The following MYO1E variants were observed in gnomAD, a reference collection of about 807,000 sequenced individuals.
The protein encoded by MYO1E is unconventional myosin-Ie.
Under a neutral mutation model 151.1 loss-of-function variants are expected in MYO1E, and 68 were observed. The observed-to-expected ratio is 0.45, with a 90% confidence interval of 0.37 to 0.55. The LOEUF (loss-of-function observed/expected upper bound fraction) is 0.55. Ranked by LOEUF, MYO1E falls within the 20% of genes least tolerant of loss-of-function variation. MYO1E has a pLI of 0.00. For missense variants in MYO1E, 1,363 were observed against 1,389.3 expected, an observed-to-expected ratio of 0.98 and a Z score of 0.30; for synonymous variants, 601 against 501.7, an observed-to-expected ratio of 1.20 and a Z score of -2.64.
chr15:59,317,384 T>C (rs2080595816), intron 1 of MYO1E, among the ~76,000 whole-genome samples: 1 of 152,216 alleles, frequency 6.6e-6, no homozygotes, highest in Non-Finnish European at 1.5e-5. Context: ...GAATTTAATC[T>C]GGCATGAGTC....
At chr15:59,152,517 C>T (rs774727029) in intron 26 of MYO1E, among the ~76,000 whole-genome samples, 171 of 152,194 alleles carry the variant, frequency 1.1e-3, no homozygotes, top group Non-Finnish European at 2.0e-3. Flanking sequence ...TTACAAGTCT[C>T]TAGTTCAACC....
At chr15:59,153,343 G>A (rs1216834606) in intron 26 of MYO1E, among the ~76,000 whole-genome samples, 1 of 152,186 alleles carries the variant, frequency 6.6e-6, no homozygotes, top group Non-Finnish European at 1.5e-5. Flanking sequence ...AGGGGAACCC[G>A]TCTTCTGATG....
chr15:59,343,461 G>A (rs1346640171), intron 1 of MYO1E, among the ~76,000 whole-genome samples: 1 of 152,074 alleles, frequency 6.6e-6, no homozygotes, highest in Non-Finnish European at 1.5e-5. Flanking sequence ...ACCTTTGGGA[G>A]TTTTGTTATT....
chr15:59,218,829 G>A (rs1596371281), intron 9 of MYO1E, among the ~76,000 whole-genome samples: 1 of 152,198 alleles, frequency 6.6e-6, no homozygotes, highest in African/African-American at 2.4e-5. Context: ...GCAGAGAGGA[G>A]AAGGGAGTGT....
chr15:59,251,702 T>G (rs577526633), intron 4 of MYO1E, among the ~76,000 whole-genome samples: 1 of 152,378 alleles, frequency 6.6e-6, no homozygotes, highest in South Asian at 2.1e-4. Context: ...AATGCTTCAG[T>G]GCTCATGTTT....
chr15:59,251,838 A>G (rs539962897), intron 4 of MYO1E, among the ~76,000 whole-genome samples: 1 of 152,378 alleles, frequency 6.6e-6, no homozygotes, highest in East Asian at 1.9e-4. Flanking sequence ...TCAGGTTGAC[A>G]TAGAAAAGGA....
chr15:59,281,073 G>A (rs147252716), intron 1 of MYO1E, among the ~76,000 whole-genome samples: 1 of 152,216 alleles, frequency 6.6e-6, no homozygotes, highest in Non-Finnish European at 1.5e-5. Flanking sequence ...ACCACAGCTC[G>A]CAAAGCAAGG....
At chr15:59,155,648 G>A (rs577668597) in intron 25 of MYO1E, among the ~76,000 whole-genome samples, 1 of 152,326 alleles carries the variant, frequency 6.6e-6, no homozygotes, top group East Asian at 1.9e-4. Context: ...ACTGGAACCA[G>A]CGCACACGCA....
At chr15:59,218,507 G>A (rs1162294096) in intron 9 of MYO1E, among the ~76,000 whole-genome samples, 2 of 152,128 alleles carry the variant, frequency 1.3e-5, no homozygotes, top group Non-Finnish European at 2.9e-5. Flanking sequence ...TTAGTACAAT[G>A]TTTTCATAGC....
chr15:59,137,305 G>C lies in MYO1E; in HGVS notation c.*75C>G, dbSNP rs2079378956. 1.5e-6 allele frequency: 2 copies of C among 1,307,174 alleles called. No individual in the cohort carries two copies. The highest frequency in any genetic ancestry group is 2.4e-5 in the South Asian group (2 of 84,568). 81.0% of individuals were successfully genotyped at this position (1,307,174 alleles called of 1,614,324 possible). ...GCAATTGCTCATTGTGGATTGTAAG[G>C]GGAGCCCCTAAATATCCCCTCCCCT... On this transcript the variant is annotated 3_prime_UTR_variant, in exon 28 of 28. Coordinates refer to ENST00000288235, the MANE Select transcript of MYO1E (RefSeq NM_004998.4).
intron 16 of MYO1E, among the ~76,000 whole-genome samples, chr15:59,196,986 C>T (rs1316970823): frequency 1.0e-3 from 73 of 71,502 alleles, no homozygotes; most frequent in African/African-American, 2.0e-3. Flanking sequence ...TTAATTACGA[C>T]TTTTTTTTTT....
chr15:59,369,987 T>C (rs954502017), intron 1 of MYO1E, among the ~76,000 whole-genome samples: 1 of 151,978 alleles, frequency 6.6e-6, no homozygotes. Flanking sequence ...TCTTAATATT[T>C]TTTAACTGAA....
In MYO1E at chr15:59,153,740, G is replaced by A. The variant is rs766195298; in HGVS notation, c.2930C>T (p.Ala977Val). The A allele has an allele frequency of 1.4e-5, 22 of 1,613,998 alleles. No homozygotes were observed. The highest frequency in any genetic ancestry group is 1.9e-5 in the Non-Finnish European group (22 of 1,179,980). ...IRNQYVPYPH[A>V]PGSQRSNQKS... ...CTGATTGGACCTCTGGCTTCCAGGA[G>A]CATGGGGATATGGCACATACTGGTT... The change falls in exon 26 of 28, where the codon GCT (alanine) becomes GTT (valine). Residue 977 changes from alanine to valine, a missense_variant. Physicochemically the swap from Ala to Val is moderately conservative, Grantham distance 64 (BLOSUM62 0). Transcript: ENST00000288235.
At position 59,135,438 on chromosome 15, in the gene MYO1E, C is replaced by G. The variant is rs542537953; in HGVS notation, c.*1942G>C. On this transcript the variant is annotated 3_prime_UTR_variant, in exon 28 of 28. Transcript: ENST00000288235. ...GCTGTGGGGACTCCAGCATGCTCCT[C>G]TGTCCCAGTTCTGGTGGTATCTTCC... The G allele has an allele frequency of 1.3e-5, 2 of 152,370 alleles. No individual in the cohort carries two copies. Among genetic ancestry groups the G allele is most frequent in the African/African-American group, 4.8e-5 (2 of 41,540 alleles). The allele number at this position is 152,370 out of a possible 1,614,324, so 9.4% of individuals were successfully genotyped here.
In MYO1E at chr15:59,223,175, A is replaced by G. The variant is rs1181598444; in HGVS notation, c.794T>C (p.Ile265Thr). ...CGTTTGCTCTTCTGCAAAGATCCCA[A>G]TCACATTCATGGCGTGCTGGAAGAG... ...FQETLHAMNVIGIFAEEQTLV... is the reference protein window; with the variant it reads ...FQETLHAMNVTGIFAEEQTLV... The change falls in exon 9 of 28, where the codon ATT becomes ACT. Residue 265 changes from isoleucine (I) to threonine (T), a missense_variant. By Grantham distance (89) the Ile-to-Thr change is moderately conservative. Transcript: ENST00000288235. The G allele has an allele frequency of 7.4e-6, 12 of 1,614,200 alleles. No homozygotes were observed. The highest frequency in any genetic ancestry group is 2.7e-5 in the African/African-American group (2 of 75,052).
chr15:59,161,862 A>G (rs1190857015), intron 23 of MYO1E, among the ~76,000 whole-genome samples: 2 of 152,146 alleles, frequency 1.3e-5, no homozygotes, highest in Non-Finnish European at 2.9e-5. Flanking sequence ...TTCTGTTTTT[A>G]AGTTATATTT....
At chr15:59,140,837 G>C (rs1389732879) in intron 26 of MYO1E, among the ~76,000 whole-genome samples, 3 of 152,248 alleles carry the variant, frequency 2.0e-5, no homozygotes, top group Middle Eastern at 3.4e-3. Context: ...CCCCACGTGG[G>C]AGGGAGCAAT....
intron 1 of MYO1E, among the ~76,000 whole-genome samples, chr15:59,335,839 T>C (rs750678299): frequency 1.3e-5 from 2 of 152,118 alleles, no homozygotes; most frequent in Non-Finnish European, 2.9e-5. Flanking sequence ...TCTGAAGCCA[T>C]GTGTGGCCCT....
At position 59,143,534 on chromosome 15, in the gene MYO1E, T is replaced by TAC. The variant is rs372811196; in HGVS notation, c.3081-5169_3081-5168dup. Among the ~76,000 whole-genome samples the TAC allele has an allele frequency of 1.6e-3, 239 of 152,298 alleles. 2 individuals carry two copies. The highest frequency in any genetic ancestry group is 5.5e-3 in the African/African-American group (227 of 41,560). The stretch of plus-strand genomic sequence containing the variant: ...TCTCCCTGGCCAGCCTGCACATGTC[T>TAC]ACACCCTTCTTGTGAGGGCTAGCAG... On this transcript the variant is annotated intron_variant, in intron 26 of 27. Coordinates refer to ENST00000288235, the MANE Select transcript of MYO1E (RefSeq NM_004998.4).
Sources: gnomAD v4.1 joint callset for allele counts (sites outside exome capture counted in the v4.1 genomes callset) on GRCh38, gnomAD v4.1.1 for gene constraint, MANE v1.5 for transcripts, NCBI Gene and HGNC (gene_info 2026-07-23, HGNC 2026-07-21) for gene names.